Variants in RBFOX3 observed in about 807,000 individuals in gnomAD.
RBFOX3 encodes RNA binding protein fox-1 homolog 3.
Under a neutral mutation model 48.7 loss-of-function variants are expected in RBFOX3, and 17 were observed. The ratio of observed to expected loss-of-function variants is 0.35; its 90% CI spans 0.24 to 0.52. The LOEUF (loss-of-function observed/expected upper bound fraction) is 0.52, where lower values mean the gene tolerates loss of function less well. RBFOX3 is among the 20% of genes least tolerant of loss of function. The pLI, the probability that RBFOX3 is intolerant of heterozygous loss-of-function variation, is 0.94. For missense variants in RBFOX3, 382 were observed against 497.5 expected (o/e 0.77, Z 2.21); for synonymous variants, 212 against 209.5 (o/e 1.01, Z -0.10).
chr17:79,129,647 G>A (rs148093884), intron 4 of RBFOX3, among the ~76,000 whole-genome samples: 83 of 152,352 alleles, frequency 5.4e-4, no homozygotes, highest in Non-Finnish European at 1.0e-3. Flanking sequence ...GGCTGACTCA[G>A]GACCTCCCCT....
chr17:79,548,333 T>C (rs2090742450), intron 1 of RBFOX3, among the ~76,000 whole-genome samples: 1 of 152,054 alleles, frequency 6.6e-6, no homozygotes, highest in African/African-American at 2.4e-5. Flanking sequence ...ACCTCACCCA[T>C]GTGCTCCTGG....
At chr17:79,280,567 G>A (rs763327998) in intron 3 of RBFOX3, among the ~76,000 whole-genome samples, 17 of 152,198 alleles carry the variant, frequency 1.1e-4, no homozygotes, top group Non-Finnish European at 1.3e-4. Flanking sequence ...GAATGTCTTC[G>A]GAGTGAGCTC....
intron 1 of RBFOX3, among the ~76,000 whole-genome samples, chr17:79,593,051 A>C (rs2093468051): frequency 6.6e-6 from 1 of 151,384 alleles, no homozygotes; most frequent in Admixed American, 6.6e-5. Context: ...AAGGCAGCCC[A>C]CACTGGGCTC....
At chr17:79,513,283 C>T (rs953045989) in intron 1 of RBFOX3, among the ~76,000 whole-genome samples, 1 of 150,934 alleles carries the variant, frequency 6.6e-6, no homozygotes, top group East Asian at 2.0e-4. Flanking sequence ...GAATGCATGT[C>T]ACCATTGGGC....
At chr17:79,147,441 T>TC (rs1374749529) in intron 4 of RBFOX3, among the ~76,000 whole-genome samples, 15 of 152,226 alleles carry the variant, frequency 9.9e-5, no homozygotes, top group Non-Finnish European at 2.1e-4. Flanking sequence ...CCGCCAGCCT[T>TC]CCCCCAACCC....
chr17:79,303,825 G>A (rs2075688701), intron 3 of RBFOX3, among the ~76,000 whole-genome samples: 1 of 150,404 alleles, frequency 6.6e-6, no homozygotes, highest in Admixed American at 6.7e-5. Flanking sequence ...GTGTGCATGT[G>A]TTTGTATGCA....
At chr17:79,496,025 C>T (rs994422648) in intron 1 of RBFOX3, among the ~76,000 whole-genome samples, 2 of 151,960 alleles carry the variant, frequency 1.3e-5, no homozygotes, top group African/African-American at 4.8e-5. Flanking sequence ...ACATGTTCTC[C>T]GAGACTGGCT....
At position 79,390,079 on chromosome 17, in the gene RBFOX3, G is replaced by C. The variant is rs1197531611; in HGVS notation, c.-174-82255C>G. ...AGCCGCCGGGTCTCCGCAGCCTCCGGGTCTCCGCAGCCTCCGGGTCTCCGT... is the reference window on the plus strand; with the variant it reads ...AGCCGCCGGGTCTCCGCAGCCTCCGCGTCTCCGCAGCCTCCGGGTCTCCGT... On this transcript the variant is annotated intron_variant, in intron 2 of 14. Coordinates refer to ENST00000693108, the MANE Select transcript of RBFOX3 (RefSeq NM_001350451.2). The surrounding 1 kb of genome is among the most constrained non-coding windows in gnomAD (Gnocchi z 4.2). 6.6e-6 allele frequency among the ~76,000 whole-genome samples: 1 copy of C among 151,886 alleles called. No homozygotes were observed. The highest frequency in any genetic ancestry group is 1.5e-5 in the Non-Finnish European group (1 of 67,982).
chr17:79,368,313 A>G (rs952693087), intron 2 of RBFOX3, among the ~76,000 whole-genome samples: 2 of 152,114 alleles, frequency 1.3e-5, no homozygotes, highest in Non-Finnish European at 2.9e-5. Context: ...CTCCCCCTCC[A>G]CCAGCCTGGG....
intron 1 of RBFOX3, among the ~76,000 whole-genome samples, chr17:79,496,370 C>T (rs1470628291): frequency 1.3e-5 from 2 of 152,134 alleles, no homozygotes; most frequent in Non-Finnish European, 1.5e-5. Flanking sequence ...TTTTTTAATG[C>T]TCCTGTCCTG....
At chr17:79,529,464 G>A (rs1555786762) in intron 1 of RBFOX3, among the ~76,000 whole-genome samples, 1 of 152,236 alleles carries the variant, frequency 6.6e-6, no homozygotes, top group African/African-American at 2.4e-5. Flanking sequence ...AGACTGGGGT[G>A]CAGGAGTGGG....
chr17:79,281,643 T>C (rs1363399024), intron 3 of RBFOX3, among the ~76,000 whole-genome samples: 1 of 152,240 alleles, frequency 6.6e-6, no homozygotes, highest in Non-Finnish European at 1.5e-5. Context: ...CTCACATCTC[T>C]GCACCGCTAG....
At chr17:79,469,720 C>G (rs1450133476) in intron 2 of RBFOX3, among the ~76,000 whole-genome samples, 3 of 152,178 alleles carry the variant, frequency 2.0e-5, no homozygotes, top group South Asian at 2.1e-4. Flanking sequence ...GTGATCTGAG[C>G]TAAGAGAGGG....
At chr17:79,273,055 C>T (rs2068026868) in intron 3 of RBFOX3, among the ~76,000 whole-genome samples, 1 of 152,176 alleles carries the variant, frequency 6.6e-6, no homozygotes, top group South Asian at 2.1e-4. Flanking sequence ...GTAGCACTGA[C>T]TCCCTCTGGG....
intron 2 of RBFOX3, among the ~76,000 whole-genome samples, chr17:79,343,548 C>A (rs573974594): frequency 6.6e-6 from 1 of 152,004 alleles, no homozygotes; most frequent in East Asian, 1.9e-4. Context: ...AACAAAAAAA[C>A]CCAAAAACAC....
intron 1 of RBFOX3, among the ~76,000 whole-genome samples, chr17:79,510,064 A>G (rs2083872168): frequency 6.6e-6 from 1 of 152,184 alleles, no homozygotes; most frequent in Non-Finnish European, 1.5e-5. Context: ...CTGGTCCTCA[A>G]GTGGCGGCGT....
At chr17:79,437,284 C>A (rs2069708012) in intron 2 of RBFOX3, among the ~76,000 whole-genome samples, 1 of 152,220 alleles carries the variant, frequency 6.6e-6, no homozygotes, top group South Asian at 2.1e-4. Flanking sequence ...TGACAGCTGC[C>A]CATGCAAATA....
intron 1 of RBFOX3, among the ~76,000 whole-genome samples, chr17:79,605,998 C>G (rs1417917383): frequency 6.6e-6 from 1 of 152,248 alleles, no homozygotes; most frequent in African/African-American, 2.4e-5. Context: ...CACCCCATCC[C>G]TTGTTCTTCT....
chr17:79,403,138 C>A (rs576873371), intron 2 of RBFOX3, among the ~76,000 whole-genome samples: 9 of 152,176 alleles, frequency 5.9e-5, no homozygotes, highest in Non-Finnish European at 1.0e-4. Flanking sequence ...GCTCCCTCCC[C>A]CTCGCTGGGG....
Sources: gnomAD v4.1 joint callset for allele counts (sites outside exome capture counted in the v4.1 genomes callset) on GRCh38, gnomAD v4.1.1 for gene constraint, Gnocchi (gnomAD v3.1) non-coding constraint, MANE v1.5 for transcripts, NCBI Gene and HGNC (gene_info 2026-07-23, HGNC 2026-07-21) for gene names.